The following TIAM2 variants were observed in gnomAD, a reference collection of about 807,000 sequenced individuals.
TIAM2 encodes rho guanine nucleotide exchange factor TIAM2.
A neutral mutation model predicts 152.9 loss-of-function variants in TIAM2; 80 were observed. The observed-to-expected ratio is 0.52, with a 90% CI of 0.44 to 0.63. TIAM2 has a LOEUF of 0.63. TIAM2 is among the 30% of genes least tolerant of loss of function. The pLI is 0.00. For missense variants in TIAM2, 1,965 were observed against 2,120.1 expected (o/e 0.93, Z 1.44); for synonymous variants, 804 against 838.0 (o/e 0.96, Z 0.70).
At chr6:155,050,805 A>G (rs1777302317) in intron 1 of TIAM2, among the ~76,000 whole-genome samples, 1 of 152,132 alleles carries the variant, frequency 6.6e-6, no homozygotes. Context: ...TCTTATTTGA[A>G]TTAGTGTAGG....
intron 15 of TIAM2, among the ~76,000 whole-genome samples, chr6:155,231,554 T>C (rs6557411): frequency 0.78 from 118,983 of 152,174 alleles, 46,782 homozygotes; most frequent in Admixed American, 0.85. Flanking sequence ...CCCTTTTCCT[T>C]CTCCACTCCA....
chr6:155,236,122 G>A lies in TIAM2; in HGVS notation c.3169-4408G>A, dbSNP rs147932074. 4.7e-3 allele frequency among the ~76,000 whole-genome samples: 713 copies of A among 151,984 alleles called. 7 individuals are homozygous for A. The highest frequency in any genetic ancestry group is 0.016 in the African/African-American group (670 of 41,432). On this transcript the variant is annotated intron_variant, in intron 15 of 26. Coordinates refer to ENST00000682666, the MANE Select transcript of TIAM2 (RefSeq NM_012454.4). ...GTCTTGGAGTCCGAGTATTATCATC[G>A]TGAACATTTTAGCTCACTTCATAGG...
chr6:155,114,050 C>CTTT lies in TIAM2; in HGVS notation c.-117-13421_-117-13419dup, dbSNP rs1275422426. 9.6e-4 allele frequency among the ~76,000 whole-genome samples: 56 copies of CTTT among 58,244 alleles called. 1 individual carries two copies. Among genetic ancestry groups the CTTT allele is most frequent in the East Asian group, 1.6e-3 (3 of 1,876 alleles). 38.2% of individuals were successfully genotyped at this position (58,244 alleles called of 152,430 possible). On this transcript the variant is annotated intron_variant, in intron 2 of 26. Transcript: ENST00000682666. Reference sequence around the variant, plus strand: ...TATATATATATATTTTTTTTTTTTTCTTTTTTTTTTTTTTTTTTTTTGAAA... The same window carrying CTTT: ...TATATATATATATTTTTTTTTTTTTCTTTTTTTTTTTTTTTTTTTTTTTTGAAA...
At chr6:155,033,620 G>T (rs7769588) in intron 1 of TIAM2, among the ~76,000 whole-genome samples, 2 of 151,926 alleles carry the variant, frequency 1.3e-5, no homozygotes, top group Admixed American at 6.6e-5. Context: ...TATTTCACAC[G>T]CAGTGTCTTC....
At chr6:155,090,650 C>T (rs1387890421) in intron 2 of TIAM2, among the ~76,000 whole-genome samples, 1 of 152,178 alleles carries the variant, frequency 6.6e-6, no homozygotes, top group African/African-American at 2.4e-5. Flanking sequence ...TGCCAGGCCT[C>T]TCTGGGACCT....
chr6:155,011,587 T>C (rs1354289008), intron 1 of TIAM2, among the ~76,000 whole-genome samples: 2 of 152,236 alleles, frequency 1.3e-5, no homozygotes, highest in Non-Finnish European at 2.9e-5. Context: ...GACAATGGTT[T>C]GCCCTGTGAC....
intron 14 of TIAM2, among the ~76,000 whole-genome samples, chr6:155,201,853 G>T (rs1225113990): frequency 6.6e-6 from 1 of 152,152 alleles, no homozygotes; most frequent in Non-Finnish European, 1.5e-5. Context: ...GTTTATTGCC[G>T]GTGTTAGCTT....
At chr6:155,097,220 G>C (rs1296826957) in intron 2 of TIAM2, among the ~76,000 whole-genome samples, 1 of 152,154 alleles carries the variant, frequency 6.6e-6, no homozygotes, top group African/African-American at 2.4e-5. Flanking sequence ...CTGTTGAGTA[G>C]TTTGAGCTCT....
chr6:155,138,946 T>G (rs1001220683), intron 5 of TIAM2, among the ~76,000 whole-genome samples: 2 of 152,190 alleles, frequency 1.3e-5, no homozygotes, highest in African/African-American at 4.8e-5. Flanking sequence ...AAACTATAAT[T>G]GCCTTGAGGA....
At chr6:155,047,455 C>T (rs1777201931) in intron 1 of TIAM2, among the ~76,000 whole-genome samples, 3 of 152,130 alleles carry the variant, frequency 2.0e-5, no homozygotes, top group Non-Finnish European at 2.9e-5. Context: ...GCTGGGATTA[C>T]GTGTGTCAGC....
In TIAM2 at chr6:155,218,325, G is replaced by A. The variant is rs377291845; in HGVS notation, c.3168+7018G>A. ...TTGTCCCTGAAAAATGGTTTGGGGT[G>A]TGGCAGTCTCCAGCAGGAAGACAAT... On this transcript the variant is annotated intron_variant, in intron 15 of 26. Coordinates refer to ENST00000682666, the MANE Select transcript of TIAM2 (RefSeq NM_012454.4). The surrounding 1 kb of genome is among the most constrained non-coding windows in gnomAD (Gnocchi z 4.5). Among the ~76,000 whole-genome samples, 31 of 152,344 alleles carry A rather than the reference G, an allele frequency of 2.0e-4. No homozygotes were observed. In the East Asian group the frequency reaches 4.4e-3, roughly 22 times the overall value.
chr6:155,250,461 A>G (rs1783584985), intron 21 of TIAM2: 3 of 1,247,788 alleles, frequency 2.4e-6, no homozygotes, highest in Non-Finnish European at 3.3e-6. Context: ...GTTTAGGGAG[A>G]AAATGGCAGG....
At chr6:155,211,382 G>C (rs911724971) in intron 15 of TIAM2, 75 bp downstream of exon 15, 14 of 1,206,156 alleles carry the variant, frequency 1.2e-5, no homozygotes, top group Non-Finnish European at 1.5e-5. Flanking sequence ...CTAAGGTGGG[G>C]AAAGGAGATG....
In TIAM2 at chr6:155,078,697, G is replaced by A. The variant is rs187760899; in HGVS notation, c.-208-11592G>A. Reference sequence around the variant, plus strand: ...GCTCTCATGCTCGGTGATCCTAACAGCCTCTGGCAGGCAATCTTTCCTGCT... The same window carrying A: ...GCTCTCATGCTCGGTGATCCTAACAACCTCTGGCAGGCAATCTTTCCTGCT... On this transcript the variant is annotated intron_variant, in intron 1 of 26. Transcript: ENST00000682666. 1.4e-4 allele frequency among the ~76,000 whole-genome samples: 21 copies of A among 152,344 alleles called. No homozygotes were observed. The East Asian group carries it at 4.0e-3, about 29-fold the overall frequency.
In TIAM2 at chr6:155,088,915, C is replaced by T. The variant is rs552519183; in HGVS notation, c.-208-1374C>T. Among the ~76,000 whole-genome samples the T allele has an allele frequency of 9.7e-4, 147 of 152,258 alleles. 1 individual carries two copies. The highest frequency in any genetic ancestry group is 2.9e-3 in the African/African-American group (122 of 41,548). Reference sequence around the variant, plus strand: ...CAGGGAAGCCAAAAGATTGGACATCCCTGCCCTAAAGTCTGCATTCTTTAT... The same window carrying T: ...CAGGGAAGCCAAAAGATTGGACATCTCTGCCCTAAAGTCTGCATTCTTTAT... On this transcript the variant is annotated intron_variant, in intron 1 of 26. Transcript: ENST00000682666.
In TIAM2 at chr6:155,256,651, C is replaced by G. The variant is rs1362227880; in HGVS notation, c.4636C>G (p.Pro1546Ala). ...EGRQDSKSTS[P>A]GKYPHPGLAD... is the part of the protein sequence containing the mutation. ...CAGGCAGGACTCCAAGAGCACTTCT[C>G]CCGGGAAATACCCACACCCCGGCTT... The change falls in exon 27 of 27, where the codon CCC becomes GCC. Residue 1546 changes from proline to alanine, a missense_variant. Physicochemically the swap from Pro to Ala is conservative, Grantham distance 27. Transcript: ENST00000682666. 9 of 1,614,072 alleles carry G rather than the reference C, an allele frequency of 5.6e-6. No individual in the cohort carries two copies. Among genetic ancestry groups the G allele is most frequent in the Admixed American group, 1.7e-5 (1 of 60,012 alleles).
rs1780962564 is a variant in TIAM2, at chr6:155,183,505, G to A, written c.3064+5G>A. On this transcript the variant is annotated splice_donor_5th_base_variant and intron_variant, in intron 14 of 26. Transcript: ENST00000682666. ...TTAAAAAGAATACAGCCAATGGTAAGGCTTTGTTCTGTCTTCCTTCTTAAC... is the reference window on the plus strand; with the variant it reads ...TTAAAAAGAATACAGCCAATGGTAAAGCTTTGTTCTGTCTTCCTTCTTAAC... The A allele has an allele frequency of 6.2e-7, 1 of 1,602,014 alleles. No individual in the cohort carries two copies. Among genetic ancestry groups the A allele is most frequent in the African/African-American group, 1.3e-5 (1 of 74,432 alleles).
intron 2 of TIAM2, among the ~76,000 whole-genome samples, chr6:155,110,318 C>CTTTTTTTTTTTTTTTTTTTTTTTTTTTTT (rs67332964): frequency 7.5e-6 from 1 of 133,800 alleles, no homozygotes; most frequent in Non-Finnish European, 1.6e-5. Flanking sequence ...TCTTTCTTTT[C>CTTTTTTTTTTTTTTTTTTTTTTTTTTTTT]TTTTTTTTTT....
Position 155,156,302 on chromosome 6 carries a change from C to T in TIAM2, c.2028+7968C>T, listed in dbSNP as rs745585526. Among the ~76,000 whole-genome samples, 2 of 152,090 alleles carry T rather than the reference C, an allele frequency of 1.3e-5. No individual in the cohort carries two copies. Among genetic ancestry groups the T allele is most frequent in the African/African-American group, 4.8e-5 (2 of 41,414 alleles). On this transcript the variant is annotated intron_variant, in intron 7 of 26. Coordinates refer to ENST00000682666, the MANE Select transcript of TIAM2 (RefSeq NM_012454.4). The surrounding 1 kb of genome is among the most constrained non-coding windows in gnomAD (Gnocchi z 4.4). ...CTCCCGGTACCACTGCAGAAGCCTCCGGTTTCGCCCTTCGTCTGATGCATC... is the reference window on the plus strand; with the variant it reads ...CTCCCGGTACCACTGCAGAAGCCTCTGGTTTCGCCCTTCGTCTGATGCATC...
Sources: allele counts gnomAD v4.1 joint callset (sites outside exome capture counted in the v4.1 genomes callset), GRCh38; gene constraint gnomAD v4.1.1; non-coding constraint Gnocchi (gnomAD v3.1); transcripts MANE v1.5; gene names NCBI Gene and HGNC (gene_info 2026-07-23, HGNC 2026-07-21).